DPF1: variants seen among roughly 807,000 people sequenced by gnomAD.
DPF1 encodes the protein double PHD fingers 1, also known as zinc finger protein neuro-d4.
A neutral mutation model predicts 58.7 loss-of-function variants in DPF1; 14 were observed. The observed-to-expected ratio is 0.24, with a 90% CI of 0.16 to 0.37. The LOEUF (loss-of-function observed/expected upper bound fraction) is 0.37. Ranked by LOEUF, DPF1 falls within the 10% of genes least tolerant of loss-of-function variation. The probability of loss-of-function intolerance (pLI) is 1.00; values close to 1 mark genes in which losing one functional copy is unlikely to be tolerated. For synonymous variants in DPF1, 216 were observed against 216.0 expected, an observed-to-expected ratio of 1.00 and a Z score of 0.00; for missense variants, 345 against 529.9, an observed-to-expected ratio of 0.65 and a Z score of 3.43.
chr19:38,214,464 C>G (rs1291378289), intron 9 of DPF1, among the ~76,000 whole-genome samples: 1 of 152,200 alleles, frequency 6.6e-6, no homozygotes, highest in Non-Finnish European at 1.5e-5. Context: ...GATGCCACGA[C>G]AACCACAATT....
intron 10 of DPF1, among the ~76,000 whole-genome samples, chr19:38,212,986 TTTG>T (rs1416692537): frequency 6.7e-6 from 1 of 148,602 alleles, no homozygotes; most frequent in Non-Finnish European, 1.5e-5. Context: ...TTTGTTTTTG[TTTG>T]TTTTTTTTTT....
At chr19:38,212,249 C>T (rs780236346) in intron 11 of DPF1, 31 bp downstream of exon 11, 14 of 659,384 alleles carry the variant, frequency 2.1e-5, no homozygotes, top group East Asian at 4.3e-5. Flanking sequence ...CCCACCCACC[C>T]GCCCCATGGG....
chr19:38,226,523 C>CACACACACACACACAG (rs1330796053), upstream of DPF1, among the ~76,000 whole-genome samples: 1 of 150,592 alleles, frequency 6.6e-6, no homozygotes, highest in African/African-American at 2.5e-5. Flanking sequence ...CACACACACA[C>CACACACACACACACAG]ACACACACAC....
intron 4 of DPF1, 118 bp from the exon 5 acceptor site, chr19:38,218,780 T>A (rs1967225899): frequency 1.3e-6 from 2 of 1,531,482 alleles, no homozygotes; most frequent in African/African-American, 1.4e-5. Flanking sequence ...TTCTTCCAAA[T>A]AGAGATGAAG....
At chr19:38,220,287 AGAG>A (rs1389510688) in intron 3 of DPF1, among the ~76,000 whole-genome samples, 2 of 147,514 alleles carry the variant, frequency 1.4e-5, no homozygotes, top group Non-Finnish European at 3.0e-5. Context: ...GAAAAGAAAA[AGAG>A]AGAGAGAGAA....
chr19:38,228,743 A>T (rs1967932241), upstream of DPF1: 1 of 152,282 alleles, frequency 6.6e-6, no homozygotes, highest in South Asian at 2.1e-4. Flanking sequence ...AGGGATGGCA[A>T]GGAGAGGAGA....
At chr19:38,226,694 A>G (rs1967839467), upstream of DPF1, among the ~76,000 whole-genome samples, 1 of 151,930 alleles carries the variant, frequency 6.6e-6, no homozygotes, top group African/African-American at 2.4e-5. Context: ...CACCCCTACG[A>G]TCACTCTGGC....
chr19:38,224,392 C>T (rs1381847863), upstream of DPF1: 3 of 870,128 alleles, frequency 3.4e-6, no homozygotes, highest in Non-Finnish European at 4.6e-6. The surrounding 1 kb of genome is among the most constrained non-coding windows in gnomAD (Gnocchi z 4.5). Context: ...CGTCACTCAC[C>T]CGCCCTCACT....
chr19:38,226,414 A>C (rs1967821287), upstream of DPF1, among the ~76,000 whole-genome samples: 1 of 150,724 alleles, frequency 6.6e-6, no homozygotes. Flanking sequence ...AGCCGACAGA[A>C]GTGGCCCGCT....
chr19:38,229,640 C>A lies in DPF1; in HGVS notation c.-213G>T. ...GGCCCGGGGCGCCGCTGCCGCCGCG[C>A]GCGGGCCCAGCCCGGCCTGCGCCGC... On this transcript the variant is annotated 5_prime_UTR_variant, in exon 1 of 12. Transcript: ENST00000412732. The surrounding 1 kb of genome is among the most constrained non-coding windows in gnomAD (Gnocchi z 5.3). The A allele has an allele frequency of 1.0e-6, 1 of 966,748 alleles. No homozygotes were observed. Among genetic ancestry groups the A allele is most frequent in the Non-Finnish European group, 1.2e-6 (1 of 809,678 alleles). 59.9% of individuals were successfully genotyped at this position (966,748 alleles called of 1,614,324 possible). A position where few individuals can be genotyped will look rare whatever the true frequency, so the allele number is the denominator to read the frequency against.
chr19:38,216,771 T>C (rs1402364989), intron 7 of DPF1, among the ~76,000 whole-genome samples: 2 of 152,104 alleles, frequency 1.3e-5, no homozygotes, highest in Non-Finnish European at 2.9e-5. Context: ...ATGTCCTCTT[T>C]ATTGGGTCAA....
chr19:38,215,416 C>T (rs903107503), intron 9 of DPF1, among the ~76,000 whole-genome samples: 1 of 152,034 alleles, frequency 6.6e-6, no homozygotes, highest in Non-Finnish European at 1.5e-5. Context: ...TCACTTGAAC[C>T]CAGGAGGCGG....
chr19:38,213,190 G>C (rs1159776666), intron 10 of DPF1, among the ~76,000 whole-genome samples: 1 of 151,630 alleles, frequency 6.6e-6, no homozygotes, highest in Non-Finnish European at 1.5e-5. Context: ...GGCCAGGCTG[G>C]TCTCAAACTC....
intron 11 of DPF1, 43 bp downstream of exon 11, chr19:38,212,237 T>TGGGGGGGGGGGGGGGCG: frequency 8.0e-7 from 1 of 1,256,810 alleles, no homozygotes; most frequent in Non-Finnish European, 1.1e-6. Flanking sequence ...GGAGATGGCG[T>TGGGGGGGGGGGGGGGCG]TCCCACCCAC....
chr19:38,214,973 C>T (rs1966906535), intron 9 of DPF1, among the ~76,000 whole-genome samples: 1 of 150,780 alleles, frequency 6.6e-6, no homozygotes, highest in Non-Finnish European at 1.5e-5. Context: ...GTAGCTGGAA[C>T]TACAGGCACG....
Position 38,212,045 on chromosome 19 carries a change from G to A in DPF1, c.*18C>T. ...GGTAGGCGAGCACCACCCCAGAGTC[G>A]CGGCGAGCCGAGCCGGCCTAGGTGA... On this transcript the variant is annotated 3_prime_UTR_variant, in exon 12 of 12. Coordinates refer to ENST00000355526, the MANE Select transcript of DPF1 (RefSeq NM_001135155.3). 1 of 1,602,492 alleles carries A rather than the reference G, an allele frequency of 6.2e-7. No individual in the cohort carries two copies. Among genetic ancestry groups the A allele is most frequent in the Non-Finnish European group, 8.5e-7 (1 of 1,176,754 alleles).
At position 38,224,004 on chromosome 19, in the gene DPF1, G is replaced by T. The variant is rs1967689500; in HGVS notation, c.29+110C>A. ...CGCACCCCCGCGCAGCCCCGCACTC[G>T]GTGACAGCCCCCCAGACACCCCTTC... On this transcript the variant is annotated intron_variant, in intron 1 of 11. Coordinates refer to ENST00000355526, the MANE Select transcript of DPF1 (RefSeq NM_001135155.3). This position sits in a 1 kb window ranked among gnomAD's most constrained non-coding sequence, Gnocchi z 4.5. 1.5e-6 allele frequency: 2 copies of T among 1,321,906 alleles called. No individual in the cohort carries two copies. The highest frequency in any genetic ancestry group is 3.8e-5 in the Admixed American group (1 of 26,224). The allele number at this position is 1,321,906 out of a possible 1,614,324, so 81.9% of individuals were successfully genotyped here. A position where few individuals can be genotyped will look rare whatever the true frequency, so the allele number is the denominator to read the frequency against.
At chr19:38,212,774 C>CTTTTTTTTTTT (rs11367248) in intron 10 of DPF1, among the ~76,000 whole-genome samples, 1 of 81,684 alleles carries the variant, frequency 1.2e-5, no homozygotes, top group Non-Finnish European at 2.2e-5. Context: ...CCATGCACGA[C>CTTTTTTTTTTT]TTTTTTTTTT....
upstream of DPF1, chr19:38,224,390 A>C: frequency 1.2e-6 from 1 of 860,778 alleles, no homozygotes; most frequent in Non-Finnish European, 1.6e-6. This position sits in a 1 kb window ranked among gnomAD's most constrained non-coding sequence, Gnocchi z 4.5. Flanking sequence ...ACCGTCACTC[A>C]CCCGCCCTCA....
Sources: allele counts gnomAD v4.1 joint callset (sites outside exome capture counted in the v4.1 genomes callset), GRCh38; gene constraint gnomAD v4.1.1; non-coding constraint Gnocchi (gnomAD v3.1); transcripts MANE v1.5; gene names NCBI Gene and HGNC (gene_info 2026-07-23, HGNC 2026-07-21).